Variants in ANO3 observed in about 807,000 individuals in gnomAD.
ANO3 encodes the protein anoctamin-3.
A neutral mutation model predicts 144.8 loss-of-function variants in ANO3; 99 were observed. That is an observed-to-expected ratio of 0.68 (90% CI 0.58 to 0.81). ANO3 has a LOEUF of 0.81. Among genes scored for constraint, ANO3 ranks in the 30% least tolerant of loss-of-function variants. ANO3 has a pLI of 0.00. For missense variants in ANO3, 905 were observed against 1,202.2 expected (o/e 0.75, Z 3.66); for synonymous variants, 414 against 392.6 (o/e 1.05, Z -0.64).
At chr11:26,522,679 T>G (rs1862130271) in intron 6 of ANO3, among the ~76,000 whole-genome samples, 1 of 152,208 alleles carries the variant, frequency 6.6e-6, no homozygotes, top group African/African-American at 2.4e-5. Flanking sequence ...TTACAGGTTG[T>G]TGTTTGCTTC....
At chr11:26,645,323 T>C (rs1453170014) in intron 23 of ANO3, among the ~76,000 whole-genome samples, 1 of 152,024 alleles carries the variant, frequency 6.6e-6, no homozygotes, top group African/African-American at 2.4e-5. Context: ...CTACATTCTC[T>C]ATAAATTTAA....
chr11:26,515,984 G>A (rs1205016983), intron 5 of ANO3, among the ~76,000 whole-genome samples: 2 of 151,886 alleles, frequency 1.3e-5, no homozygotes, highest in Non-Finnish European at 2.9e-5. Context: ...ATATGAACAT[G>A]AGTGATGTAT....
At position 26,443,684 on chromosome 11, in the gene ANO3, TTGTC is replaced by T. The variant is rs138185345; in HGVS notation, c.242-80_242-77del. 22,268 of 670,472 alleles carry T rather than the reference TTGTC, an allele frequency of 0.033. 501 individuals are homozygous for T. Among genetic ancestry groups the T allele is most frequent in the African/African-American group, 0.077 (4,143 of 53,886 alleles). 41.5% of individuals were successfully genotyped at this position (670,472 alleles called of 1,614,324 possible). The stretch of plus-strand genomic sequence containing the variant: ...AAATTTCATCATGTTTGGCCATCAT[TTGTC>T]CATCTATAACCATGGTTATTTTTCT... On this transcript the variant is annotated intron_variant, in intron 2 of 26. Transcript: ENST00000256737.
intron 11 of ANO3, 114 bp from the exon 12 acceptor site, chr11:26,547,302 G>A: frequency 3.0e-6 from 3 of 1,002,458 alleles, no homozygotes; most frequent in Non-Finnish European, 4.6e-6. Context: ...AGCTGAGGAG[G>A]AACTGAGTGT....
chr11:26,647,973 T>A, intron 24 of ANO3, 117 bp downstream of exon 24: 2 of 948,532 alleles, frequency 2.1e-6, no homozygotes, highest in Non-Finnish European at 3.0e-6. Flanking sequence ...GCATTGCATT[T>A]ATAATGTGTT....
intron 1 of ANO3, among the ~76,000 whole-genome samples, chr11:26,358,987 C>A (rs1247066471): frequency 6.6e-6 from 1 of 152,088 alleles, no homozygotes; most frequent in African/African-American, 2.4e-5. Context: ...TGGTGGAGTA[C>A]AGTTATAACT....
At chr11:26,462,129 T>G (rs1859417722) in intron 3 of ANO3, among the ~76,000 whole-genome samples, 1 of 151,976 alleles carries the variant, frequency 6.6e-6, no homozygotes, top group South Asian at 2.1e-4. Flanking sequence ...ATAAACAAAA[T>G]TGTTTTTCCT....
chr11:26,350,187 T>TCGG (rs1855607445), intron 1 of ANO3, among the ~76,000 whole-genome samples: 1 of 152,114 alleles, frequency 6.6e-6, no homozygotes, highest in African/African-American at 2.4e-5. Context: ...CCGAATTTCT[T>TCGG]TAGGAGGACT....
At position 26,442,107 on chromosome 11, in the gene ANO3, A is replaced by C. The variant is rs1234482465; in HGVS notation, c.236A>C (p.Glu79Ala). 6.2e-7 allele frequency: 1 copy of C among 1,609,706 alleles called. No homozygotes were observed. Among genetic ancestry groups the C allele is most frequent in the South Asian group, 1.1e-5 (1 of 90,092 alleles). Residue 79 changes from glutamate to alanine, a missense_variant, in exon 2 of 27, where the codon GAG becomes GCG. Physicochemically the swap from Glu to Ala is moderately radical, Grantham distance 107. Transcript: ENST00000256737. ...SITLISTDKAEQVNTEENKND... is the reference protein window; with the variant it reads ...SITLISTDKAAQVNTEENKND... ...ACCTTAATCTCCACTGACAAAGCAG[A>C]GCAAGGTGAGCAGCAATTCCTATTT...
intron 1 of ANO3, among the ~76,000 whole-genome samples, chr11:26,358,326 CA>C (rs1469203529): frequency 6.6e-6 from 1 of 152,100 alleles, no homozygotes; most frequent in African/African-American, 2.4e-5. Context: ...CACACGCCAC[CA>C]CGCACGGCTA....
At position 26,509,379 on chromosome 11, in the gene ANO3, G is replaced by C. The variant is rs147916946; in HGVS notation, c.591+1117G>C. Reference sequence around the variant, plus strand: ...TGCCCAGGCTGGAGAGCAGTGGCGCGATCTTGGCTTAATGCAACCTCTGCC... The same window carrying C: ...TGCCCAGGCTGGAGAGCAGTGGCGCCATCTTGGCTTAATGCAACCTCTGCC... On this transcript the variant is annotated intron_variant, in intron 5 of 26. Transcript: ENST00000256737. 8.1e-3 allele frequency among the ~76,000 whole-genome samples: 1,225 copies of C among 151,986 alleles called. 11 individuals carry two copies. The highest frequency in any genetic ancestry group is 0.013 in the Non-Finnish European group (867 of 67,976).
intron 1 of ANO3, chr11:26,288,085 T>G (rs1214206179): frequency 6.6e-6 from 1 of 152,664 alleles, no homozygotes; most frequent in Admixed American, 6.5e-5. Context: ...CAAATGATTC[T>G]GAAAGGCACA....
intron 14 of ANO3, among the ~76,000 whole-genome samples, chr11:26,566,432 A>G (rs770211423): frequency 1.3e-5 from 2 of 151,936 alleles, no homozygotes; most frequent in Non-Finnish European, 2.9e-5. Flanking sequence ...TCAGTCAGGA[A>G]TACCCTTGAA....
intron 1 of ANO3, among the ~76,000 whole-genome samples, chr11:26,441,124 T>TTTG (rs1858501299): frequency 9.5e-6 from 1 of 105,188 alleles, no homozygotes; most frequent in South Asian, 4.4e-4. Context: ...TTTTTTTTTT[T>TTTG]TTTTTTTTTT....
chr11:26,374,026 C>T (rs141762202), intron 1 of ANO3, among the ~76,000 whole-genome samples: 2 of 152,220 alleles, frequency 1.3e-5, no homozygotes, highest in East Asian at 3.9e-4. Context: ...CCCACCCCAG[C>T]AAAGTATATA....
intron 1 of ANO3, among the ~76,000 whole-genome samples, chr11:26,316,142 C>T (rs917487992): frequency 1.3e-5 from 2 of 152,146 alleles, no homozygotes; most frequent in African/African-American, 4.8e-5. Context: ...GGCCAGCAGC[C>T]CTTAATGCAA....
At chr11:26,236,618 A>G (rs922504952) in intron 1 of ANO3, among the ~76,000 whole-genome samples, 1 of 152,090 alleles carries the variant, frequency 6.6e-6, no homozygotes, top group African/African-American at 2.4e-5. Context: ...GGAGACCAAG[A>G]CCATCCTGGC....
intron 1 of ANO3, among the ~76,000 whole-genome samples, chr11:26,348,742 G>C (rs1399226907): frequency 6.6e-6 from 1 of 152,176 alleles, no homozygotes; most frequent in African/African-American, 2.4e-5. Context: ...ACTGTGGAAG[G>C]TACAAGGGTT....
chr11:26,608,475 G>A (rs1025036085), intron 17 of ANO3, among the ~76,000 whole-genome samples: 2 of 152,150 alleles, frequency 1.3e-5, no homozygotes, highest in African/African-American at 4.8e-5. Context: ...CTTGGTGGAG[G>A]GGGTGTGCTT....
Sources: allele counts gnomAD v4.1 joint callset (sites outside exome capture counted in the v4.1 genomes callset), GRCh38; gene constraint gnomAD v4.1.1; transcripts MANE v1.5; gene names NCBI Gene and HGNC (gene_info 2026-07-23, HGNC 2026-07-21).